Variants in GCN1 observed in about 807,000 individuals in gnomAD.
GCN1 encodes stalled ribosome sensor GCN1.
Under a neutral mutation model 288.4 loss-of-function variants are expected in GCN1, and 90 were observed. That is an observed-to-expected ratio of 0.31 (90% CI 0.26 to 0.37). The LOEUF (loss-of-function observed/expected upper bound fraction) is 0.37, where lower values mean the gene tolerates loss of function less well. Among genes scored for constraint, GCN1 ranks in the 10% least tolerant of loss-of-function variants. The pLI, the probability that GCN1 is intolerant of heterozygous loss-of-function variation, is 1.00. For missense variants in GCN1, 2,586 were observed against 3,419.9 expected (o/e 0.76, Z 6.08); for synonymous variants, 1,386 against 1,420.2 (o/e 0.98, Z 0.54).
Position 120,158,944 on chromosome 12 carries a change from G to A in GCN1, c.2750-329C>T, listed in dbSNP as rs566359793. Among the ~76,000 whole-genome samples, 11 of 151,776 alleles carry A rather than the reference G, an allele frequency of 7.2e-5. No individual in the cohort carries two copies. The highest frequency in any genetic ancestry group is 2.7e-4 in the African/African-American group (11 of 41,374). On this transcript the variant is annotated intron_variant, in intron 24 of 57. Coordinates refer to ENST00000300648, the MANE Select transcript of GCN1 (RefSeq NM_006836.2). This position sits in a 1 kb window ranked among gnomAD's most constrained non-coding sequence, Gnocchi z 4.3. ...GGAGAATGGCATGAACCCGGGAAGC[G>A]GAGCTGGCAGTGAGCCAAGATGGCG...
At position 120,142,596 on chromosome 12, in the gene GCN1, T is replaced by A; in HGVS notation, c.5740A>T (p.Asn1914Tyr). ...SLHVWKIVVS[N>Y]TPRTLREILP... ...ATCTCACGCAAGGTGCGGGGGGTAT[T>A]GGAGACAACAATCTTCCAGACATGC... is the stretch of plus-strand genomic sequence containing the variant. The change falls in exon 44 of 58, where the codon AAT (asparagine) becomes TAT (tyrosine). Residue 1914 changes from asparagine to tyrosine, a missense_variant. Around this residue, in one of 8 missense-constraint regions of GCN1, gnomAD observed 437 missense variants for 570.5 expected, o/e 0.77. Coordinates refer to ENST00000300648, the MANE Select transcript of GCN1 (RefSeq NM_006836.2). The surrounding 1 kb of genome is among the most constrained non-coding windows in gnomAD (Gnocchi z 4.9). The A allele has an allele frequency of 6.2e-7, 1 of 1,614,000 alleles. No homozygotes were observed. The highest frequency in any genetic ancestry group is 8.5e-7 in the Non-Finnish European group (1 of 1,180,018).
At chr12:120,143,311 G>A (rs1807369272) in intron 42 of GCN1, among the ~76,000 whole-genome samples, 1 of 152,186 alleles carries the variant, frequency 6.6e-6, no homozygotes, top group African/African-American at 2.4e-5. Context: ...GGCCAGGTGT[G>A]GTGGCTCACG....
In GCN1 at chr12:120,178,727, G is replaced by A. The variant is rs1477680573; in HGVS notation, c.558C>T (p.Ala186=). ...TCTGGTTGGGCTCTAGGCTGAGAAT[G>A]GCTGACAAGTACTGTTCCACCAGCC... ...NPGLVEQYLS[A]ILSLEPNQNY... The change falls in exon 7 of 58, where the codon GCC becomes GCT. Residue 186 remains alanine, a synonymous_variant. Transcript: ENST00000300648. 1 of 1,614,066 alleles carries A rather than the reference G, an allele frequency of 6.2e-7. No homozygotes were observed. Among genetic ancestry groups the A allele is most frequent in the African/African-American group, 1.3e-5 (1 of 74,928 alleles).
intron 56 of GCN1, among the ~76,000 whole-genome samples, chr12:120,129,873 G>A (rs1190254314): frequency 1.3e-5 from 2 of 152,058 alleles, no homozygotes; most frequent in Non-Finnish European, 1.5e-5. Context: ...TCTATATCAG[G>A]GTCCTCCCCA....
rs767163254 is a variant in GCN1, at chr12:120,158,052, A to T, written c.2906-22T>A. The T allele has an allele frequency of 6.2e-7, 1 of 1,611,052 alleles. No individual in the cohort carries two copies. ...GCACCTGTGAGAGCGAGAAGCAGAT[A>T]AGATTCTGCAGGCAGGGCAGGGACC... On this transcript the variant is annotated intron_variant, in intron 25 of 57. Transcript: ENST00000300648. This position sits in a 1 kb window ranked among gnomAD's most constrained non-coding sequence, Gnocchi z 4.3.
chr12:120,162,790 T>C (rs780401598), intron 20 of GCN1, 57 bp downstream of exon 20: 76 of 1,577,918 alleles, frequency 4.8e-5, no homozygotes, highest in Non-Finnish European at 6.1e-5. Flanking sequence ...TCCTGTACAC[T>C]GTGATGAGAG....
At chr12:120,166,017 C>A (rs920637033) in intron 16 of GCN1, among the ~76,000 whole-genome samples, 1 of 152,010 alleles carries the variant, frequency 6.6e-6, no homozygotes, top group African/African-American at 2.4e-5. Flanking sequence ...GTCTCGATCT[C>A]GACCTCATGA....
intron 23 of GCN1, 53 bp from the exon 24 acceptor site, chr12:120,160,076 C>T: frequency 6.3e-7 from 1 of 1,593,414 alleles, no homozygotes; most frequent in Non-Finnish European, 8.6e-7. Context: ...CTTGTGACAG[C>T]AAGCAGCAGG....
chr12:120,158,645 G>T lies in GCN1; in HGVS notation c.2750-30C>A, dbSNP rs749333914. The T allele has an allele frequency of 2.7e-5, 43 of 1,571,916 alleles. No individual in the cohort carries two copies. Among genetic ancestry groups the T allele is most frequent in the Non-Finnish European group, 3.7e-5 (43 of 1,156,128 alleles). ...GTTGAAGAGGAGAGACCCAGCAGGA[G>T]ATGACACACAGAGATGTGGAATCCA... is the stretch of plus-strand genomic sequence containing the variant. On this transcript the variant is annotated intron_variant, in intron 24 of 57. Coordinates refer to ENST00000300648, the MANE Select transcript of GCN1 (RefSeq NM_006836.2). The surrounding 1 kb of genome is among the most constrained non-coding windows in gnomAD (Gnocchi z 4.3).
chr12:120,145,640 A>C (rs1190385904), intron 38 of GCN1, among the ~76,000 whole-genome samples: 1 of 152,250 alleles, frequency 6.6e-6, no homozygotes, highest in African/African-American at 2.4e-5. Context: ...CAGACTCTGG[A>C]ATCTTTAGCA....
At chr12:120,148,088 G>T in intron 37 of GCN1, 79 bp downstream of exon 37, 1 of 980,074 alleles carries the variant, frequency 1.0e-6, no homozygotes, top group African/African-American at 1.6e-5. Context: ...TAGCTGAATG[G>T]GTGCAAGTTC....
At chr12:120,173,950 G>T in intron 13 of GCN1, 121 bp downstream of exon 13, 1 of 1,046,510 alleles carries the variant, frequency 9.6e-7, no homozygotes, top group Middle Eastern at 2.0e-4. Context: ...AGACAGCTAC[G>T]AGCCTTGCTC....
At position 120,160,186 on chromosome 12, in the gene GCN1, C is replaced by A; in HGVS notation, c.2506G>T (p.Ala836Ser). 1 of 1,612,270 alleles carries A rather than the reference C, an allele frequency of 6.2e-7. No individual in the cohort carries two copies. Among genetic ancestry groups the A allele is most frequent in the Non-Finnish European group, 8.5e-7 (1 of 1,179,922 alleles). The stretch of plus-strand genomic sequence containing the variant: ...ACCTGCGCCTCCCTGTCTAGCTGGG[C>A]CTGCAGCATCTCCTTCTGCTTGCTG... ...LTSKQKEMLQ[A>S]QLDREAQVRR... The change falls in exon 23 of 58, where the codon GCC becomes TCC. Residue 836 changes from alanine to serine, a missense_variant. Transcript: ENST00000300648.
At chr12:120,183,754 C>T in intron 4 of GCN1, 77 bp from the exon 5 acceptor site, 1 of 854,470 alleles carries the variant, frequency 1.2e-6, no homozygotes, top group Non-Finnish European at 2.0e-6. Context: ...AAGGCCCCGC[C>T]TGGTAATGCA....
At chr12:120,194,552 C>T in intron 1 of GCN1, 128 bp downstream of exon 1, 2 of 922,972 alleles carry the variant, frequency 2.2e-6, no homozygotes, top group Admixed American at 5.5e-5. Context: ...TGAGACGGCC[C>T]CGAGACTACG....
Position 120,155,102 on chromosome 12 carries a change from T to C in GCN1, c.3631-62A>G, listed in dbSNP as rs1186076903. On this transcript the variant is annotated intron_variant, in intron 30 of 57. Coordinates refer to ENST00000300648, the MANE Select transcript of GCN1 (RefSeq NM_006836.2). The surrounding 1 kb of genome is among the most constrained non-coding windows in gnomAD (Gnocchi z 4.9). ...CAGATCAATGACCTGGGCACCAGGATTGTGAGGCAGGAAACTAGCCGCAGC... is the reference window on the plus strand; with the variant it reads ...CAGATCAATGACCTGGGCACCAGGACTGTGAGGCAGGAAACTAGCCGCAGC... 3.9e-6 allele frequency: 6 copies of C among 1,541,188 alleles called. No homozygotes were observed. Among genetic ancestry groups the C allele is most frequent in the Middle Eastern group, 1.7e-4 (1 of 5,916 alleles).
At chr12:120,147,313 A>G in intron 37 of GCN1, 41 bp from the exon 38 acceptor site, 5 of 1,209,710 alleles carry the variant, frequency 4.1e-6, no homozygotes, top group Non-Finnish European at 5.8e-6. Context: ...ATATACATCT[A>G]TGCAGCTGCA....
chr12:120,157,809 C>A, intron 26 of GCN1, 40 bp downstream of exon 26: 1 of 1,551,456 alleles, frequency 6.4e-7, no homozygotes, highest in Non-Finnish European at 8.9e-7. Context: ...CCTCCCTGAT[C>A]CCCTTTAAAC....
rs1297765950 is a variant in GCN1 at position 120,175,776 on chromosome 12, G to A, written c.1012C>T (p.Leu338=). 3 of 1,612,762 alleles carry A rather than the reference G, an allele frequency of 1.9e-6. No homozygotes were observed. In the South Asian group the frequency reaches 3.3e-5, roughly 18 times the overall value. ...AGGATAGCAAATAGGTGCTTGGTCA[G>A]GGATTCCATGGCCGAAGAGTCACTG... ...QCSDSSAMES[L]TKHLFAILGG... is the part of the protein sequence containing the mutation. Residue 338 remains leucine, a synonymous_variant, in exon 11 of 58, where the codon CTG becomes TTG. Transcript: ENST00000300648.
Sources: gnomAD v4.1 joint callset for allele counts (sites outside exome capture counted in the v4.1 genomes callset) on GRCh38, gnomAD v4.1.1 for gene constraint, gnomAD v4.1.1 regional missense constraint, Gnocchi (gnomAD v3.1) non-coding constraint, MANE v1.5 for transcripts, NCBI Gene and HGNC (gene_info 2026-07-23, HGNC 2026-07-21) for gene names.